The following CALN1 variants were observed in gnomAD, a reference collection of about 807,000 sequenced individuals.
CALN1 encodes calneuron 1.
CALN1 carries 17 observed loss-of-function variants against 30.6 expected under a neutral mutation model. The ratio of observed to expected loss-of-function variants is 0.56; its 90% CI spans 0.38 to 0.83. The LOEUF (loss-of-function observed/expected upper bound fraction) is 0.83. CALN1 is among the 40% of genes least tolerant of loss of function. The pLI is 0.00. For synonymous variants in CALN1, 156 were observed against 131.4 expected, an observed-to-expected ratio of 1.19 and a Z score of -1.28; for missense variants, 291 against 354.9, an observed-to-expected ratio of 0.82 and a Z score of 1.45.
intron 3 of CALN1, among the ~76,000 whole-genome samples, chr7:72,248,128 T>G (rs1427768023): frequency 6.6e-6 from 1 of 152,206 alleles, no homozygotes; most frequent in African/African-American, 2.4e-5. Context: ...CCTTTTTTCT[T>G]TTTTAGATGG....
rs374219820 is a variant in CALN1, at chr7:72,262,035, C to T, written c.244+16651G>A. ...TTCGCTCTTCAAACACCACCTCCCGCTTTAGAGAGGAAGGCAGAGAAATAT... is the reference window on the plus strand; with the variant it reads ...TTCGCTCTTCAAACACCACCTCCCGTTTTAGAGAGGAAGGCAGAGAAATAT... On this transcript the variant is annotated intron_variant, in intron 3 of 6. Transcript: ENST00000395275. Among the ~76,000 whole-genome samples, 376 of 152,320 alleles carry T rather than the reference C, an allele frequency of 2.5e-3. 3 individuals are homozygous for T. Among genetic ancestry groups the T allele is most frequent in the African/African-American group, 8.5e-3 (354 of 41,582 alleles).
At chr7:71,806,269 CAA>C (rs952383334) in intron 6 of CALN1, among the ~76,000 whole-genome samples, 92 of 133,932 alleles carry the variant, frequency 6.9e-4, no homozygotes, top group Non-Finnish European at 1.1e-3. Context: ...CACACACACA[CAA>C]ACACACACAC....
At position 72,015,433 on chromosome 7, in the gene CALN1, C is replaced by CTT. The variant is rs60001547; in HGVS notation, c.501+8222_501+8223dup. 3.9e-3 allele frequency among the ~76,000 whole-genome samples: 534 copies of CTT among 136,136 alleles called. 4 individuals are homozygous for CTT. The highest frequency in any genetic ancestry group is 0.014 in the African/African-American group (482 of 33,712). 89.3% of individuals were successfully genotyped at this position (136,136 alleles called of 152,430 possible). On this transcript the variant is annotated intron_variant, in intron 5 of 6. Coordinates refer to ENST00000395275, the MANE Select transcript of CALN1 (RefSeq NM_031468.4). ...CCCAGGAGTTTGCATTTCTTTCTTT[C>CTT]TTTTTTTTTTTTTTTCTCTTTTTGA...
At chr7:72,390,831 A>G (rs188751282) in intron 2 of CALN1, among the ~76,000 whole-genome samples, 1 of 152,350 alleles carries the variant, frequency 6.6e-6, no homozygotes, top group East Asian at 1.9e-4. Context: ...TGTTCTGTTT[A>G]GTATTTTTGA....
chr7:72,123,454 T>A (rs1314567701), intron 3 of CALN1, among the ~76,000 whole-genome samples: 2 of 152,202 alleles, frequency 1.3e-5, no homozygotes, highest in Non-Finnish European at 2.9e-5. Context: ...GTCCTTCCTG[T>A]CATCATGGGC....
chr7:72,490,366 G>A, the CALN1 span, among the ~76,000 whole-genome samples: 8 of 152,256 alleles, frequency 5.3e-5, no homozygotes, highest in Admixed American at 2.0e-4. Context: ...GACAGAGAGG[G>A]TTATATAGAG....
In CALN1 at chr7:72,357,278, G is replaced by A. The variant is rs529900182; in HGVS notation, c.119+45973C>T. On this transcript the variant is annotated intron_variant, in intron 2 of 6. Coordinates refer to ENST00000395275, the MANE Select transcript of CALN1 (RefSeq NM_031468.4). ...AGAGCCTTGCTAACACAAACCCCCC[G>A]ACCCCAAGCTGAGATCTGGCGATGT... Among the ~76,000 whole-genome samples the A allele has an allele frequency of 1.1e-4, 16 of 151,914 alleles. No individual in the cohort carries two copies. The East Asian group carries it at 1.9e-3, about 18-fold the overall frequency.
In CALN1 at chr7:71,783,147, T is replaced by C. The variant is rs536332502; in HGVS notation, c.*4628A>G. ...GATGGCTATGGTAAGGCCTTTAGGT[T>C]ACGGACTCTTAGCTCCATGGGGATC... On this transcript the variant is annotated 3_prime_UTR_variant, in exon 7 of 7. Transcript: ENST00000395275. 1 of 152,266 alleles carries C rather than the reference T, an allele frequency of 6.6e-6. No homozygotes were observed. The highest frequency in any genetic ancestry group is 6.5e-5 in the Admixed American group (1 of 15,292). 9.4% of individuals were successfully genotyped at this position (152,266 alleles called of 1,614,324 possible). A position where few individuals can be genotyped will look rare whatever the true frequency, so the allele number is the denominator to read the frequency against.
chr7:72,289,307 A>G (rs561618617), intron 2 of CALN1, among the ~76,000 whole-genome samples: 1 of 152,292 alleles, frequency 6.6e-6, no homozygotes, highest in South Asian at 2.1e-4. Flanking sequence ...TGACTGGTTC[A>G]CCCAAAAGCT....
chr7:72,209,209 C>T (rs111211669), intron 3 of CALN1, among the ~76,000 whole-genome samples: 10,158 of 39,342 alleles, frequency 0.26, 158 homozygotes, highest in East Asian at 0.49. Context: ...TCCTTCCCTC[C>T]TTCCTTCCCT....
chr7:72,000,854 G>C (rs1042763425), intron 5 of CALN1, among the ~76,000 whole-genome samples: 14 of 152,200 alleles, frequency 9.2e-5, no homozygotes, highest in South Asian at 4.1e-4. Context: ...TGTTACAGTA[G>C]GTAGTCAGGC....
At chr7:72,400,537 C>G (rs888103291) in intron 2 of CALN1, among the ~76,000 whole-genome samples, 13 of 152,162 alleles carry the variant, frequency 8.5e-5, no homozygotes, top group African/African-American at 3.1e-4. Flanking sequence ...GATCAGTAAA[C>G]TGATGGGAGC....
At chr7:72,388,112 T>C (rs1222957055) in intron 2 of CALN1, among the ~76,000 whole-genome samples, 1 of 152,206 alleles carries the variant, frequency 6.6e-6, no homozygotes, top group East Asian at 1.9e-4. Context: ...GAAAGGACTT[T>C]TTAAAATGTT....
chr7:71,838,467 C>T (rs972558647), intron 5 of CALN1, among the ~76,000 whole-genome samples: 1 of 152,074 alleles, frequency 6.6e-6, no homozygotes, highest in Admixed American at 6.5e-5. Context: ...TGGTCTATCC[C>T]CCAGGCTGGA....
At chr7:71,847,764 AAG>A (rs1270735768) in intron 5 of CALN1, among the ~76,000 whole-genome samples, 3 of 121,550 alleles carry the variant, frequency 2.5e-5, no homozygotes, top group Admixed American at 9.0e-5. Flanking sequence ...AAGAAAGAAG[AAG>A]AAGAAGAAAG....
intron 5 of CALN1, among the ~76,000 whole-genome samples, chr7:71,882,479 C>T (rs113875593): frequency 0.037 from 5,690 of 152,190 alleles, 323 homozygotes; most frequent in African/African-American, 0.13. Flanking sequence ...ATGATTCAGC[C>T]CACCACACCT....
chr7:72,134,372 A>T (rs1463791126), intron 3 of CALN1, among the ~76,000 whole-genome samples: 1 of 152,220 alleles, frequency 6.6e-6, no homozygotes, highest in South Asian at 2.1e-4. Context: ...AAACCTAAGG[A>T]AACTTTTCAG....
chr7:71,867,143 T>C (rs1030697933), intron 5 of CALN1, among the ~76,000 whole-genome samples: 1 of 111,938 alleles, frequency 8.9e-6, no homozygotes, highest in African/African-American at 4.7e-5. Flanking sequence ...AGACTCTGTC[T>C]CAAAAAAAAA....
intron 1 of CALN1, among the ~76,000 whole-genome samples, chr7:72,408,666 TATC>T (rs1411730472): frequency 1.8e-5 from 2 of 112,822 alleles, no homozygotes; most frequent in Non-Finnish European, 3.6e-5. Flanking sequence ...CACCAATTAT[TATC>T]TTTTCCTTTT....
Sources: allele counts gnomAD v4.1 joint callset (sites outside exome capture counted in the v4.1 genomes callset), GRCh38; gene constraint gnomAD v4.1.1; transcripts MANE v1.5; gene names NCBI Gene and HGNC (gene_info 2026-07-23, HGNC 2026-07-21).